The following ATG7 variants were observed in gnomAD, a reference collection of about 807,000 sequenced individuals.
ATG7 encodes the protein ubiquitin-like modifier-activating enzyme ATG7.
Under a neutral mutation model 82.4 loss-of-function variants are expected in ATG7, and 70 were observed. That is an observed-to-expected ratio of 0.85 (90% confidence interval 0.70 to 1.04). ATG7 has a LOEUF of 1.04. ATG7 is among the 50% of genes least tolerant of loss of function. The probability of loss-of-function intolerance (pLI) is 0.00; values close to 1 mark genes in which losing one functional copy is unlikely to be tolerated. For missense variants in ATG7, 792 were observed against 864.3 expected, an observed-to-expected ratio of 0.92 and a Z score of 1.05; for synonymous variants, 287 against 313.0, an observed-to-expected ratio of 0.92 and a Z score of 0.88.
intron 20 of ATG7, among the ~76,000 whole-genome samples, chr3:11,519,813 G>T (rs141375959): frequency 1.3e-5 from 2 of 151,836 alleles, no homozygotes; most frequent in African/African-American, 4.8e-5. Flanking sequence ...CGCCCACCTC[G>T]GCCTCCCAAA....
At chr3:11,533,539 T>TTAA (rs1411075483) in intron 20 of ATG7, among the ~76,000 whole-genome samples, 188 of 126,662 alleles carry the variant, frequency 1.5e-3, no homozygotes, top group African/African-American at 5.4e-3. Context: ...CCCCTTCTGT[T>TTAA]AAAAAAAAAA....
intron 20 of ATG7, among the ~76,000 whole-genome samples, chr3:11,543,894 A>T (rs375015734): frequency 5.1e-4 from 78 of 151,494 alleles, no homozygotes; most frequent in African/African-American, 1.9e-3. Flanking sequence ...CAGGCTGGGG[A>T]TGGAGGGTGG....
chr3:11,533,521 GA>G (rs1357510573), intron 20 of ATG7, among the ~76,000 whole-genome samples: 5 of 110,756 alleles, frequency 4.5e-5, no homozygotes, highest in African/African-American at 1.8e-4. Flanking sequence ...GGACCACAGA[GA>G]AAAATCCCCC....
intron 19 of ATG7, among the ~76,000 whole-genome samples, chr3:11,404,125 A>ATTTTTTTT (rs10591303): frequency 7.8e-5 from 6 of 76,922 alleles, no homozygotes; most frequent in South Asian, 1.0e-3. Flanking sequence ...AACCAGCTCA[A>ATTTTTTTT]TTTTTTTTTT....
chr3:11,444,016 A>G (rs2084270746), intron 20 of ATG7, among the ~76,000 whole-genome samples: 1 of 152,182 alleles, frequency 6.6e-6, no homozygotes. Context: ...AGTCTGGTAT[A>G]TGGGTCTTAA....
chr3:11,334,989 T>C (rs942472405), intron 11 of ATG7, among the ~76,000 whole-genome samples: 5 of 150,712 alleles, frequency 3.3e-5, no homozygotes, highest in African/African-American at 1.2e-4. Flanking sequence ...TCTTCTGAGA[T>C]ATCTTTTCTA....
intron 20 of ATG7, among the ~76,000 whole-genome samples, chr3:11,524,339 T>A (rs2092519273): frequency 2.0e-5 from 3 of 152,234 alleles, no homozygotes; most frequent in Admixed American, 2.0e-4. Flanking sequence ...AGAAATGGGA[T>A]TTTGGGGTTT....
intron 19 of ATG7, among the ~76,000 whole-genome samples, chr3:11,406,601 T>C (rs1236641998): frequency 6.6e-6 from 1 of 152,216 alleles, no homozygotes; most frequent in Admixed American, 6.5e-5. Context: ...GATAAAGATA[T>C]ACCCAAGACT....
intron 20 of ATG7, among the ~76,000 whole-genome samples, chr3:11,450,514 A>G (rs543554442): frequency 4.6e-4 from 70 of 152,316 alleles, no homozygotes; most frequent in Non-Finnish European, 8.8e-4. Context: ...ACAAGAGATC[A>G]ATGTACAAAT....
the ATG7 span, among the ~76,000 whole-genome samples, chr3:11,573,327 GAAAGAAAGAAA>G: frequency 5.1e-5 from 2 of 39,518 alleles, no homozygotes. Flanking sequence ...AAGAAAGAAA[GAAAGAAAGAAA>G]GAAAGAAAGA....
chr3:11,391,959 G>GGC (rs2078838457), intron 19 of ATG7, among the ~76,000 whole-genome samples: 1 of 28,804 alleles, frequency 3.5e-5, no homozygotes. Flanking sequence ...TGTACTTATT[G>GGC]GGGGGGGGGT....
intron 3 of ATG7, among the ~76,000 whole-genome samples, chr3:11,294,731 C>T (rs1253715736): frequency 1.3e-5 from 2 of 152,208 alleles, no homozygotes; most frequent in Non-Finnish European, 2.9e-5. Flanking sequence ...AAACTCCAGA[C>T]TCCTGGCCTC....
chr3:11,480,108 T>A (rs2088759852), intron 20 of ATG7, among the ~76,000 whole-genome samples: 1 of 152,076 alleles, frequency 6.6e-6, no homozygotes, highest in South Asian at 2.1e-4. Context: ...TTTTTTTGTA[T>A]TTTTAGTAGA....
chr3:11,528,544 A>G (rs536682405), intron 20 of ATG7, among the ~76,000 whole-genome samples: 3 of 152,226 alleles, frequency 2.0e-5, no homozygotes, highest in African/African-American at 7.2e-5. Context: ...AAGTTAAAAT[A>G]GTTTGGGCGC....
At chr3:11,475,909 C>CACACACACA (rs1479988312) in intron 20 of ATG7, among the ~76,000 whole-genome samples, 2,641 of 104,606 alleles carry the variant, frequency 0.025, 44 homozygotes, top group South Asian at 0.044. Context: ...ACACACACAC[C>CACACACACA]CCCTCCCAGA....
At chr3:11,501,674 G>A (rs565718435) in intron 20 of ATG7, among the ~76,000 whole-genome samples, 38 of 152,078 alleles carry the variant, frequency 2.5e-4, no homozygotes, top group Admixed American at 8.5e-4. Context: ...CTGAGGTTAA[G>A]TATCATGATG....
chr3:11,515,683 T>C (rs1283821299), intron 20 of ATG7, among the ~76,000 whole-genome samples: 2 of 151,572 alleles, frequency 1.3e-5, no homozygotes, highest in Non-Finnish European at 2.9e-5. Context: ...CTCATAGAAC[T>C]GTTCTCTCTT....
At chr3:11,517,309 C>G (rs2092309903) in intron 20 of ATG7, among the ~76,000 whole-genome samples, 1 of 150,600 alleles carries the variant, frequency 6.6e-6, no homozygotes, top group Non-Finnish European at 1.5e-5. Context: ...TCACTGCACT[C>G]CAGCCTGGGT....
At chr3:11,506,059 A>C (rs114470929) in intron 20 of ATG7, among the ~76,000 whole-genome samples, 41 of 152,312 alleles carry the variant, frequency 2.7e-4, no homozygotes, top group African/African-American at 9.4e-4. Flanking sequence ...TTTCTGTATA[A>C]ATCTTGCTTT....
Sources: allele counts gnomAD v4.1 joint callset (sites outside exome capture counted in the v4.1 genomes callset), GRCh38; gene constraint gnomAD v4.1.1; transcripts MANE v1.5; gene names NCBI Gene and HGNC (gene_info 2026-07-23, HGNC 2026-07-21).